The following SESTD1 variants were observed in gnomAD, a reference collection of about 807,000 sequenced individuals.
SESTD1 encodes SEC14 domain and spectrin repeat-containing protein 1.
SESTD1 carries 43 observed loss-of-function variants against 101.7 expected under a neutral mutation model. The observed-to-expected ratio is 0.42, with a 90% confidence interval of 0.33 to 0.55. The LOEUF (loss-of-function observed/expected upper bound fraction) is 0.55, where lower values mean the gene tolerates loss of function less well. SESTD1 is among the 20% of genes least tolerant of loss of function. SESTD1 has a pLI of 0.07. For missense variants in SESTD1, 647 were observed against 815.1 expected (o/e 0.79, Z 2.51); for synonymous variants, 283 against 286.8 (o/e 0.99, Z 0.13).
At chr2:179,138,726 C>A (rs989528680) in intron 9 of SESTD1, among the ~76,000 whole-genome samples, 1 of 151,888 alleles carries the variant, frequency 6.6e-6, no homozygotes, top group Admixed American at 6.6e-5. Context: ...AAAAAAACAG[C>A]TGGGCATGGT....
intron 1 of SESTD1, among the ~76,000 whole-genome samples, chr2:179,238,468 A>G (rs770540264): frequency 7.9e-5 from 12 of 152,212 alleles, no homozygotes; most frequent in Non-Finnish European, 1.5e-4. Context: ...CAGCTTATAC[A>G]TTTAGAAAAA....
intron 1 of SESTD1, among the ~76,000 whole-genome samples, chr2:179,223,053 T>C (rs1017548061): frequency 6.6e-6 from 1 of 152,186 alleles, no homozygotes; most frequent in African/African-American, 2.4e-5. Context: ...GTTCATCAAT[T>C]CTATATGGAT....
chr2:179,121,728 T>A, intron 13 of SESTD1, 42 bp downstream of exon 13: 1 of 1,487,246 alleles, frequency 6.7e-7, no homozygotes. Context: ...TAACTAATAT[T>A]GTTATTATTT....
intron 5 of SESTD1, among the ~76,000 whole-genome samples, chr2:179,167,888 G>A (rs1033587831): frequency 6.6e-6 from 1 of 151,950 alleles, no homozygotes; most frequent in Non-Finnish European, 1.5e-5. Flanking sequence ...TCAGCCTCCC[G>A]AGTAGCTGGG....
Position 179,126,265 on chromosome 2 carries a change from C to CA in SESTD1, c.973-1708dup, listed in dbSNP as rs530705146. Among the ~76,000 whole-genome samples, 39 of 152,090 alleles carry CA rather than the reference C, an allele frequency of 2.6e-4. 1 individual carries two copies. Among genetic ancestry groups the CA allele is most frequent in the Admixed American group, 2.4e-3 (37 of 15,268 alleles). On this transcript the variant is annotated intron_variant, in intron 10 of 17. Coordinates refer to ENST00000428443, the MANE Select transcript of SESTD1 (RefSeq NM_178123.5). ...TTCTGAAACCAATTGTCAAATTCAC[C>CA]AAAAAATTCCATCTTGCCACAAATC...
At chr2:179,123,881 G>A (rs1249799747) in intron 11 of SESTD1, 52 bp from the exon 12 acceptor site, 1 of 1,334,436 alleles carries the variant, frequency 7.5e-7, no homozygotes, top group Non-Finnish European at 1.1e-6. Context: ...AGCATCTAAA[G>A]TGTTTAATGA....
intron 1 of SESTD1, 125 bp downstream of exon 1, chr2:179,264,374 C>A (rs1457932766): frequency 1.3e-5 from 2 of 151,158 alleles, no homozygotes; most frequent in South Asian, 2.0e-4. Context: ...GCCCCGCGGC[C>A]CGCGCAGGGG....
rs2044333330 is a variant in SESTD1, at chr2:179,104,273, T to G, written c.*5626A>C. On this transcript the variant is annotated 3_prime_UTR_variant, in exon 18 of 18. Coordinates refer to ENST00000428443, the MANE Select transcript of SESTD1 (RefSeq NM_178123.5). ...TGGTTTATAACTGTCAAAGTGGTATTTCGATCCTTTCACCTTTACAAAATA... is the reference window on the plus strand; with the variant it reads ...TGGTTTATAACTGTCAAAGTGGTATGTCGATCCTTTCACCTTTACAAAATA... The G allele has an allele frequency of 6.6e-6, 1 of 152,174 alleles. No homozygotes were observed. Among genetic ancestry groups the G allele is most frequent in the Admixed American group, 6.6e-5 (1 of 15,266 alleles). 9.4% of individuals were successfully genotyped at this position (152,174 alleles called of 1,614,324 possible). A position where few individuals can be genotyped will look rare whatever the true frequency, so the allele number is the denominator to read the frequency against.
chr2:179,148,834 G>C (rs931502461), intron 7 of SESTD1, among the ~76,000 whole-genome samples: 4 of 152,050 alleles, frequency 2.6e-5, no homozygotes, highest in Non-Finnish European at 5.9e-5. Context: ...GCCGAGACGG[G>C]CAGATCACGA....
intron 1 of SESTD1, among the ~76,000 whole-genome samples, chr2:179,201,236 C>A (rs1351587601): frequency 7.5e-6 from 1 of 133,294 alleles, no homozygotes; most frequent in African/African-American, 3.0e-5. Flanking sequence ...CCATCTCACA[C>A]CAGTCAGAAT....
chr2:179,144,120 AT>A (rs1023440030), intron 8 of SESTD1, among the ~76,000 whole-genome samples: 15 of 151,006 alleles, frequency 9.9e-5, no homozygotes, highest in African/African-American at 2.2e-4. Flanking sequence ...TACGGTTTAT[AT>A]TTTTTTTTAT....
chr2:179,208,861 T>C (rs1174991964), intron 1 of SESTD1, among the ~76,000 whole-genome samples: 1 of 134,632 alleles, frequency 7.4e-6, no homozygotes, highest in Admixed American at 7.2e-5. Context: ...AATAGAATAG[T>C]ACCTCACATC....
chr2:179,243,445 G>A (rs893736604), intron 1 of SESTD1, among the ~76,000 whole-genome samples: 1 of 152,108 alleles, frequency 6.6e-6, no homozygotes, highest in Non-Finnish European at 1.5e-5. Context: ...CTACCAAAAA[G>A]ACACATGCAC....
intron 2 of SESTD1, among the ~76,000 whole-genome samples, chr2:179,189,547 C>T (rs1213765686): frequency 3.3e-5 from 5 of 152,116 alleles, no homozygotes; most frequent in South Asian, 4.1e-4. Context: ...TTGTATTCAA[C>T]ATAGTACTAA....
At chr2:179,197,337 A>T (rs959142697) in intron 1 of SESTD1, among the ~76,000 whole-genome samples, 8 of 151,242 alleles carry the variant, frequency 5.3e-5, no homozygotes, top group Admixed American at 4.6e-4. Flanking sequence ...ATCTCACTGG[A>T]GTACCTGAAA....
At chr2:179,225,270 GGGT>G (rs1455632885) in intron 1 of SESTD1, among the ~76,000 whole-genome samples, 1 of 152,038 alleles carries the variant, frequency 6.6e-6, no homozygotes, top group Admixed American at 6.6e-5. Context: ...AAACAACTTA[GGGT>G]TTTTTTTCCC....
intron 1 of SESTD1, among the ~76,000 whole-genome samples, chr2:179,218,970 C>G (rs1338771724): frequency 1.3e-5 from 2 of 152,188 alleles, no homozygotes; most frequent in African/African-American, 4.8e-5. Flanking sequence ...AACACTTACT[C>G]TAAGAATCCT....
At chr2:179,157,208 A>C (rs1379252611) in intron 5 of SESTD1, among the ~76,000 whole-genome samples, 1 of 152,224 alleles carries the variant, frequency 6.6e-6, no homozygotes, top group East Asian at 1.9e-4. Flanking sequence ...AACACTGCTG[A>C]AAGAAATCAC....
intron 13 of SESTD1, 125 bp from the exon 14 acceptor site, chr2:179,117,738 C>A: frequency 1.6e-6 from 1 of 642,444 alleles, no homozygotes; most frequent in Non-Finnish European, 2.4e-6. Context: ...ATGGAGAATG[C>A]AAGTATTTTG....
Sources: gnomAD v4.1 joint callset for allele counts (sites outside exome capture counted in the v4.1 genomes callset) on GRCh38, gnomAD v4.1.1 for gene constraint, MANE v1.5 for transcripts, NCBI Gene and HGNC (gene_info 2026-07-23, HGNC 2026-07-21) for gene names.